The following CHST15 variants were observed in gnomAD, a reference collection of about 807,000 sequenced individuals.
The protein encoded by CHST15 is B cell RAG associated protein (GALNAC4S-6ST).
Under a neutral mutation model 53.6 loss-of-function variants are expected in CHST15, and 30 were observed. The ratio of observed to expected loss-of-function variants is 0.56; its 90% confidence interval spans 0.42 to 0.76. CHST15 has a LOEUF of 0.76. Among genes scored for constraint, CHST15 ranks in the 30% least tolerant of loss-of-function variants. The pLI is 0.00. For missense variants in CHST15, 627 were observed against 740.5 expected (o/e 0.85, Z 1.78); for synonymous variants, 296 against 289.8 (o/e 1.02, Z -0.22).
intron 1 of CHST15, among the ~76,000 whole-genome samples, chr10:124,071,065 T>C (rs1948898072): frequency 6.6e-6 from 1 of 152,178 alleles, no homozygotes; most frequent in South Asian, 2.1e-4. Flanking sequence ...AGAATTCAAT[T>C]TGATTTGATT....
intron 1 of CHST15, among the ~76,000 whole-genome samples, chr10:124,080,881 T>G (rs1011166425): frequency 6.6e-6 from 1 of 152,202 alleles, no homozygotes; most frequent in Non-Finnish European, 1.5e-5. Context: ...TTCTTTCCCA[T>G]GGACTAGGCC....
At chr10:124,020,324 T>G in intron 6 of CHST15, 1 of 985,494 alleles carries the variant, frequency 1.0e-6, no homozygotes, top group Non-Finnish European at 1.2e-6. Flanking sequence ...CACCAATGGC[T>G]GGTTCCAAAG....
At chr10:124,061,755 A>G (rs1948581816) in intron 1 of CHST15, among the ~76,000 whole-genome samples, 1 of 152,216 alleles carries the variant, frequency 6.6e-6, no homozygotes, top group Non-Finnish European at 1.5e-5. Context: ...ACGTGAGTTC[A>G]CGTCCAGTAA....
rs939986567 is a variant in CHST15 at position 124,008,928 on chromosome 10, T to C, written c.*1221A>G. On this transcript the variant is annotated 3_prime_UTR_variant, in exon 8 of 8. Transcript: ENST00000435907. ...CGGTAAACCAAGCTGCCAAGTGGCC[T>C]GGAAAATTCCATGAAGAACACGGCT... is the stretch of plus-strand genomic sequence containing the variant. 9.3e-6 allele frequency: 12 copies of C among 1,288,700 alleles called. No homozygotes were observed. The highest frequency in any genetic ancestry group is 1.2e-5 in the Non-Finnish European group (12 of 988,330). 79.8% of individuals were successfully genotyped at this position (1,288,700 alleles called of 1,614,324 possible).
chr10:124,023,062 A>ACCTGC (rs1172188508), intron 5 of CHST15, among the ~76,000 whole-genome samples: 1 of 151,654 alleles, frequency 6.6e-6, no homozygotes, highest in Non-Finnish European at 1.5e-5. Context: ...CAACTGATCC[A>ACCTGC]CCTGCCTCGG....
At chr10:124,011,712 G>A in intron 7 of CHST15, 1 of 985,380 alleles carries the variant, frequency 1.0e-6, no homozygotes, top group South Asian at 4.7e-5. Flanking sequence ...GGCCCCTGGG[G>A]GGGCTGGTAT....
intron 1 of CHST15, among the ~76,000 whole-genome samples, chr10:124,086,042 A>T (rs1000620697): frequency 2.6e-5 from 4 of 152,216 alleles, no homozygotes; most frequent in Non-Finnish European, 2.9e-5. Context: ...AAGCTTCTCC[A>T]GGCCCAGGCT....
chr10:124,015,866 G>C (rs1411381916), intron 6 of CHST15, among the ~76,000 whole-genome samples: 1 of 152,228 alleles, frequency 6.6e-6, no homozygotes, highest in Non-Finnish European at 1.5e-5. Context: ...TCAGAGTAAA[G>C]CAAGCCCTGG....
intron 6 of CHST15, among the ~76,000 whole-genome samples, chr10:124,016,957 G>A (rs892621193): frequency 8.5e-5 from 13 of 152,128 alleles, no homozygotes; most frequent in East Asian, 5.8e-4. Context: ...GTTCACAGTC[G>A]GAGTGCTGAC....
intron 1 of CHST15, among the ~76,000 whole-genome samples, chr10:124,060,598 C>T (rs1056567026): frequency 1.3e-5 from 2 of 149,300 alleles, no homozygotes; most frequent in Non-Finnish European, 3.0e-5. Flanking sequence ...GGTGTGCTTC[C>T]CCCAGGGGCA....
rs768422739 is a variant in CHST15 at position 124,074,361 on chromosome 10, C to T, written c.-513+19108G>A. 1.2e-4 allele frequency among the ~76,000 whole-genome samples: 18 copies of T among 152,180 alleles called. No homozygotes were observed. Among genetic ancestry groups the T allele is most frequent in the Non-Finnish European group, 2.1e-4 (14 of 68,032 alleles). On this transcript the variant is annotated intron_variant, in intron 1 of 7. Coordinates refer to ENST00000435907, the MANE Select transcript of CHST15 (RefSeq NM_001270764.2). The surrounding 1 kb of genome is among the most constrained non-coding windows in gnomAD (Gnocchi z 4.4). Reference sequence around the variant, plus strand: ...AACCCTGGAGGCAGTGAGCAGGAGACACTAAACAGTGTGCCACCCAACTGC... The same window carrying T: ...AACCCTGGAGGCAGTGAGCAGGAGATACTAAACAGTGTGCCACCCAACTGC...
At chr10:124,071,049 G>C (rs1948897006) in intron 1 of CHST15, among the ~76,000 whole-genome samples, 1 of 152,150 alleles carries the variant, frequency 6.6e-6, no homozygotes. Context: ...TACCCCACTG[G>C]GGTAAAGAAT....
chr10:124,028,361 C>A (rs1394542016), intron 5 of CHST15, among the ~76,000 whole-genome samples: 1 of 152,224 alleles, frequency 6.6e-6, no homozygotes, highest in African/African-American at 2.4e-5. Context: ...ATGTGGAGAA[C>A]TCTGCAGGAC....
intron 1 of CHST15, among the ~76,000 whole-genome samples, chr10:124,087,522 T>C (rs1428624183): frequency 6.6e-6 from 1 of 152,220 alleles, no homozygotes; most frequent in Admixed American, 6.5e-5. Flanking sequence ...GCCTGGACTG[T>C]CTGTTTCAAT....
chr10:124,013,328 C>T (rs773377083), intron 6 of CHST15, among the ~76,000 whole-genome samples: 120 of 152,170 alleles, frequency 7.9e-4, no homozygotes, highest in Admixed American at 3.1e-3. Flanking sequence ...CTGCATGTGA[C>T]GGAACCCTAG....
Position 124,080,980 on chromosome 10 carries a change from G to A in CHST15, c.-513+12489C>T, listed in dbSNP as rs561378396. Among the ~76,000 whole-genome samples, 227 of 152,326 alleles carry A rather than the reference G, an allele frequency of 1.5e-3. 1 individual carries two copies. The highest frequency in any genetic ancestry group is 2.9e-3 in the Admixed American group (44 of 15,302). Reference sequence around the variant, plus strand: ...GCAGAGACACAAAGGAAGCAATTCTGCACTGACCAGCTATCTGTCAAAGGA... The same window carrying A: ...GCAGAGACACAAAGGAAGCAATTCTACACTGACCAGCTATCTGTCAAAGGA... On this transcript the variant is annotated intron_variant, in intron 1 of 7. Transcript: ENST00000435907.
chr10:124,018,325 GTT>G (rs2133846969), intron 6 of CHST15, among the ~76,000 whole-genome samples: 1 of 152,244 alleles, frequency 6.6e-6, no homozygotes, highest in East Asian at 1.9e-4. Flanking sequence ...AATTACAGTT[GTT>G]TAGGATTCCA....
In CHST15 at chr10:124,008,013, T is replaced by C. The variant is rs79057288; in HGVS notation, c.*2136A>G. On this transcript the variant is annotated 3_prime_UTR_variant, in exon 8 of 8. Coordinates refer to ENST00000435907, the MANE Select transcript of CHST15 (RefSeq NM_001270764.2). ...GAAAGGCCCCTGGAGGGAAAAACCA[T>C]GTCTGGATGGCATTGAGTGGCACAG... The C allele has an allele frequency of 6.3e-3, 7,749 of 1,232,006 alleles. 199 individuals are homozygous for C. Among genetic ancestry groups the C allele is most frequent in the African/African-American group, 0.062 (3,973 of 64,470 alleles). 76.3% of individuals were successfully genotyped at this position (1,232,006 alleles called of 1,614,324 possible).
intron 6 of CHST15, among the ~76,000 whole-genome samples, chr10:124,016,727 C>T (rs1249935299): frequency 2.0e-5 from 3 of 152,138 alleles, no homozygotes; most frequent in Non-Finnish European, 4.4e-5. Context: ...AGTCTTCCCA[C>T]CTGTAAAACA....
Sources: allele counts gnomAD v4.1 joint callset (sites outside exome capture counted in the v4.1 genomes callset), GRCh38; gene constraint gnomAD v4.1.1; non-coding constraint Gnocchi (gnomAD v3.1); transcripts MANE v1.5; gene names NCBI Gene and HGNC (gene_info 2026-07-23, HGNC 2026-07-21).